USP42: variants seen among roughly 807,000 people sequenced by gnomAD.
USP42 encodes ubiquitin carboxyl-terminal hydrolase 42.
A neutral mutation model predicts 113.0 loss-of-function variants in USP42; 23 were observed. That is an observed-to-expected ratio of 0.20 (90% CI 0.15 to 0.29). The LOEUF (loss-of-function observed/expected upper bound fraction) is 0.29. USP42 is among the 10% of genes least tolerant of loss of function. The pLI, the probability that USP42 is intolerant of heterozygous loss-of-function variation, is 1.00. For synonymous variants in USP42, 933 were observed against 699.0 expected, an observed-to-expected ratio of 1.33 and a Z score of -5.28; for missense variants, 2,174 against 1,779.8, an observed-to-expected ratio of 1.22 and a Z score of -3.99.
intron 2 of USP42, among the ~76,000 whole-genome samples, chr7:6,113,314 G>T (rs73058625): frequency 6.6e-6 from 1 of 152,068 alleles, no homozygotes; most frequent in East Asian, 1.9e-4. Context: ...GCACATGGAG[G>T]TGGAAAGTCC....
chr7:6,111,451 G>A, intron 2 of USP42, 77 bp downstream of exon 2: 1 of 1,541,088 alleles, frequency 6.5e-7, no homozygotes, highest in Non-Finnish European at 8.8e-7. Context: ...GTTTCAGAGA[G>A]GGGCTTATTT....
chr7:6,089,456 G>GT, the USP42 span, among the ~76,000 whole-genome samples: 1 of 150,404 alleles, frequency 6.6e-6, no homozygotes, highest in Non-Finnish European at 1.5e-5. Context: ...TTTTAAAAAC[G>GT]TAATACATAT....
rs193182710 is a variant in USP42, at chr7:6,160,768, A to G, written c.*250A>G. ...TGCTGACCATTGTAAAATACCGTGT[A>G]TATAAATCCCATTGAAATAATGCCC... On this transcript the variant is annotated 3_prime_UTR_variant, in exon 18 of 18. Transcript: ENST00000306177. 70 of 152,770 alleles carry G rather than the reference A, an allele frequency of 4.6e-4. No individual in the cohort carries two copies. In the East Asian group the frequency reaches 0.013, roughly 27 times the overall value. 9.5% of individuals were successfully genotyped at this position (152,770 alleles called of 1,614,324 possible). A position where few individuals can be genotyped will look rare whatever the true frequency, so the allele number is the denominator to read the frequency against.
At chr7:6,146,021 C>T in intron 10 of USP42, 127 bp from the exon 11 acceptor site, 1 of 758,080 alleles carries the variant, frequency 1.3e-6, no homozygotes, top group Non-Finnish European at 2.1e-6. Context: ...AAGATCACGC[C>T]ACTGCACTCC....
At chr7:6,146,395 C>T (rs996601781) in intron 11 of USP42, 147 bp downstream of exon 11, 9 of 628,280 alleles carry the variant, frequency 1.4e-5, no homozygotes, top group South Asian at 6.5e-5. Context: ...CATGGTGCCT[C>T]ACGCCTATAA....
At chr7:6,134,049 C>T (rs894565014) in intron 3 of USP42, among the ~76,000 whole-genome samples, 1 of 152,036 alleles carries the variant, frequency 6.6e-6, no homozygotes, top group Non-Finnish European at 1.5e-5. Flanking sequence ...CACCACCACG[C>T]CCAGCTAATT....
chr7:6,109,858 G>A (rs1400727528), intron 1 of USP42, among the ~76,000 whole-genome samples: 5 of 151,794 alleles, frequency 3.3e-5, no homozygotes, highest in Non-Finnish European at 7.4e-5. Flanking sequence ...GTGCCACCAC[G>A]CCCGGCTAAT....
In USP42 at chr7:6,156,981, C is replaced by T. The variant is rs1782491029; in HGVS notation, c.3869C>T (p.Pro1290Leu). ...SGGPPLEGVG[P>L]FREKTKHLRM... ...GGCCCGCCTCTGGAAGGCGTCGGACCTTTCCGTGAGAAAACGAAACACTTA... is the reference window on the plus strand; with the variant it reads ...GGCCCGCCTCTGGAAGGCGTCGGACTTTTCCGTGAGAAAACGAAACACTTA... The change falls in exon 16 of 18, where the codon CCT becomes CTT. Residue 1290 changes from proline to leucine, a missense_variant. Transcript: ENST00000306177. 4 of 1,613,572 alleles carry T rather than the reference C, an allele frequency of 2.5e-6. No individual in the cohort carries two copies. Among genetic ancestry groups the T allele is most frequent in the Non-Finnish European group, 3.4e-6 (4 of 1,179,794 alleles).
chr7:6,112,811 A>G (rs1230336001), intron 2 of USP42, among the ~76,000 whole-genome samples: 3 of 151,764 alleles, frequency 2.0e-5, no homozygotes, highest in Admixed American at 6.6e-5. Flanking sequence ...TTTGTCTTCC[A>G]GTGTGGCCCA....
intron 3 of USP42, among the ~76,000 whole-genome samples, chr7:6,133,215 C>G (rs190681086): frequency 6.6e-6 from 1 of 152,156 alleles, no homozygotes; most frequent in African/African-American, 2.4e-5. Context: ...AGTCAGGGTA[C>G]GAAACCATGC....
At chr7:6,096,568 G>T in the USP42 span, among the ~76,000 whole-genome samples, 604 of 151,450 alleles carry the variant, frequency 4.0e-3, 44 homozygotes, top group African/African-American at 0.014. Context: ...TCAGGAGCTG[G>T]TTTAAACTAA....
chr7:6,096,168 A>G, the USP42 span, among the ~76,000 whole-genome samples: 1 of 150,864 alleles, frequency 6.6e-6, no homozygotes, highest in South Asian at 2.1e-4. Context: ...CAACCAGGTT[A>G]TTATAGACAT....
At chr7:6,153,100 C>T (rs1016309586) in intron 14 of USP42, 1 of 221,864 alleles carries the variant, frequency 4.5e-6, no homozygotes, top group Non-Finnish European at 7.6e-6. Context: ...TAGTGAAACC[C>T]CATCTCTACT....
At chr7:6,142,623 C>T (rs1433862923) in intron 7 of USP42, among the ~76,000 whole-genome samples, 1 of 152,118 alleles carries the variant, frequency 6.6e-6, no homozygotes, top group Non-Finnish European at 1.5e-5. Context: ...CAGCTCATAC[C>T]TGTAATCCTA....
At chr7:6,093,481 C>A in the USP42 span, among the ~76,000 whole-genome samples, 6 of 150,726 alleles carry the variant, frequency 4.0e-5, no homozygotes, top group Non-Finnish European at 8.8e-5. Flanking sequence ...GAAACCAAAA[C>A]CATGTTGGCC....
rs1331889542 is a variant in USP42 at position 6,160,677 on chromosome 7, CTTTT to C, written c.*165_*168del. The stretch of plus-strand genomic sequence containing the variant: ...ACTGTACAGATTTTACCATGGAGAA[CTTTT>C]TTTTTAGTTTTTACCTTTTCTTAAT... On this transcript the variant is annotated 3_prime_UTR_variant, in exon 18 of 18. Transcript: ENST00000306177. 6.6e-6 allele frequency: 1 copy of C among 152,090 alleles called. No homozygotes were observed. Among genetic ancestry groups the C allele is most frequent in the Admixed American group, 6.6e-5 (1 of 15,228 alleles). The allele number at this position is 152,090 out of a possible 1,614,324, so 9.4% of individuals were successfully genotyped here. A position where few individuals can be genotyped will look rare whatever the true frequency, so the allele number is the denominator to read the frequency against.
intron 3 of USP42, among the ~76,000 whole-genome samples, chr7:6,134,847 G>A (rs1450641614): frequency 2.6e-5 from 4 of 152,092 alleles, no homozygotes; most frequent in Non-Finnish European, 5.9e-5. Flanking sequence ...GTGCAGTGGT[G>A]TGATCACAGC....
intron 3 of USP42, among the ~76,000 whole-genome samples, chr7:6,118,168 T>C (rs1443595776): frequency 6.6e-6 from 1 of 151,962 alleles, no homozygotes; most frequent in Non-Finnish European, 1.5e-5. Flanking sequence ...ACGAGGCAGG[T>C]AGATCACTTG....
chr7:6,154,090 T>C lies in USP42; in HGVS notation c.2536T>C (p.Ser846Pro), dbSNP rs2128521307. Residue 846 changes from serine to proline, a missense_variant, in exon 15 of 18, where the codon TCG becomes CCG. Physicochemically the swap from Ser to Pro is moderately conservative, Grantham distance 74. Coordinates refer to ENST00000306177, the MANE Select transcript of USP42 (RefSeq NM_032172.3). ...KGMIAEGPRD[S>P]ALAEAPEGLS... ...GATGATCGCGGAGGGCCCGCGGGAC[T>C]CGGCGTTGGCGGAAGCCCCGGAAGG... 1 of 1,605,386 alleles carries C rather than the reference T, an allele frequency of 6.2e-7. No homozygotes were observed. Among genetic ancestry groups the C allele is most frequent in the South Asian group, 1.1e-5 (1 of 90,986 alleles).
Sources: gnomAD v4.1 joint callset for allele counts (sites outside exome capture counted in the v4.1 genomes callset) on GRCh38, gnomAD v4.1.1 for gene constraint, MANE v1.5 for transcripts, NCBI Gene and HGNC (gene_info 2026-07-23, HGNC 2026-07-21) for gene names.